Variants in GMDS observed in about 807,000 individuals in gnomAD.
GMDS encodes GDP-mannose 4,6-dehydratase, also known as GDP-mannose 4,6 dehydratase.
In GMDS, 20 loss-of-function variants were observed where a neutral mutation model predicts 49.9. That is an observed-to-expected ratio of 0.40 (90% confidence interval 0.28 to 0.58). The LOEUF is 0.58. Among genes scored for constraint, GMDS ranks in the 20% least tolerant of loss-of-function variants. The pLI, the probability that GMDS is intolerant of heterozygous loss-of-function variation, is 0.42. For synonymous variants in GMDS, 177 were observed against 178.6 expected (o/e 0.99, Z 0.07); for missense variants, 362 against 481.4 (o/e 0.75, Z 2.32).
intron 7 of GMDS, among the ~76,000 whole-genome samples, chr6:1,784,559 C>G (rs17134305): frequency 0.029 from 4,360 of 152,200 alleles, 69 homozygotes; most frequent in Middle Eastern, 0.1. Context: ...GATGTCAGAG[C>G]AAAGTCTGGA....
intron 9 of GMDS, among the ~76,000 whole-genome samples, chr6:1,677,822 G>C (rs926746665): frequency 6.7e-6 from 1 of 149,932 alleles, no homozygotes. Flanking sequence ...GGGAGGGATA[G>C]CATTAGGAGA....
At chr6:2,155,627 A>C (rs1307736779) in intron 1 of GMDS, among the ~76,000 whole-genome samples, 1 of 152,128 alleles carries the variant, frequency 6.6e-6, no homozygotes, top group African/African-American at 2.4e-5. Context: ...AATTGTTTTA[A>C]ATTTTTCAAA....
chr6:2,226,129 G>T (rs1224571846), intron 1 of GMDS, among the ~76,000 whole-genome samples: 2 of 152,198 alleles, frequency 1.3e-5, no homozygotes, highest in African/African-American at 4.8e-5. Context: ...GTTTCTGCTA[G>T]ACCAACACTG....
intron 9 of GMDS, among the ~76,000 whole-genome samples, chr6:1,670,660 C>T (rs574835855): frequency 2.0e-5 from 3 of 152,296 alleles, no homozygotes; most frequent in Non-Finnish European, 4.4e-5. Flanking sequence ...TAATAGACTT[C>T]CATGCTCTAA....
chr6:2,188,655 T>C (rs1778880933), intron 1 of GMDS, among the ~76,000 whole-genome samples: 1 of 152,226 alleles, frequency 6.6e-6, no homozygotes. Context: ...CAAGTCTTGA[T>C]TCTCAAGGAA....
chr6:1,919,954 T>G (rs3800133), intron 7 of GMDS, among the ~76,000 whole-genome samples: 3,922 of 152,220 alleles, frequency 0.026, 161 homozygotes, highest in East Asian at 0.18. Flanking sequence ...GGTAGAAAAC[T>G]GAAATAACAG....
intron 7 of GMDS, among the ~76,000 whole-genome samples, chr6:1,785,908 G>A (rs184831826): frequency 6.6e-6 from 1 of 152,358 alleles, no homozygotes; most frequent in East Asian, 1.9e-4. Flanking sequence ...TGTGAAAAAT[G>A]CTCCTGGAAA....
intron 1 of GMDS, among the ~76,000 whole-genome samples, chr6:2,195,871 C>T (rs1779256057): frequency 6.6e-6 from 1 of 150,842 alleles, no homozygotes; most frequent in Non-Finnish European, 1.5e-5. Context: ...ATAAATCATG[C>T]TGACAGTTTA....
chr6:1,760,154 A>AG (rs1416059791), intron 7 of GMDS, among the ~76,000 whole-genome samples: 3 of 152,200 alleles, frequency 2.0e-5, no homozygotes, highest in Non-Finnish European at 4.4e-5. Flanking sequence ...GTGCAGACAC[A>AG]GAGGAAAGCA....
chr6:2,131,690 A>G (rs1217944200), intron 1 of GMDS, among the ~76,000 whole-genome samples: 1 of 152,240 alleles, frequency 6.6e-6, no homozygotes, highest in Admixed American at 6.5e-5. Flanking sequence ...TTAACAGCCT[A>G]CGTGTGTGCT....
chr6:1,902,273 A>G (rs918552424), intron 7 of GMDS, among the ~76,000 whole-genome samples: 3 of 152,242 alleles, frequency 2.0e-5, no homozygotes, highest in African/African-American at 7.2e-5. Flanking sequence ...ATTAAAACTA[A>G]AATATAGAAT....
chr6:1,680,936 C>A (rs955998706), intron 9 of GMDS, among the ~76,000 whole-genome samples: 2 of 152,190 alleles, frequency 1.3e-5, no homozygotes, highest in African/African-American at 4.8e-5. Context: ...GTGGGTGAGA[C>A]AGAATGTAAC....
rs144476227 is a variant in GMDS, at chr6:2,149,297, G to C, written c.103-24566C>G. Among the ~76,000 whole-genome samples the C allele has an allele frequency of 5.2e-3, 797 of 152,248 alleles. 5 individuals carry two copies. Among genetic ancestry groups the C allele is most frequent in the Middle Eastern group, 0.017 (5 of 294 alleles). ...TCAGTTTTGTTGATTTCATTAAAATGAATGTAAAGAGAACAAGGTGTATTG... is the reference window on the plus strand; with the variant it reads ...TCAGTTTTGTTGATTTCATTAAAATCAATGTAAAGAGAACAAGGTGTATTG... On this transcript the variant is annotated intron_variant, in intron 1 of 10. Coordinates refer to ENST00000380815, the MANE Select transcript of GMDS (RefSeq NM_001500.4).
intron 1 of GMDS, among the ~76,000 whole-genome samples, chr6:2,133,992 C>T (rs1350271585): frequency 1.3e-5 from 2 of 152,162 alleles, no homozygotes; most frequent in Non-Finnish European, 2.9e-5. Flanking sequence ...TTAGGTTGTG[C>T]TATATTGTGT....
At chr6:1,938,412 G>A (rs1246814530) in intron 6 of GMDS, among the ~76,000 whole-genome samples, 2 of 152,262 alleles carry the variant, frequency 1.3e-5, no homozygotes, top group East Asian at 1.9e-4. Flanking sequence ...TAACTAGCTC[G>A]TATTTGAAAG....
intron 8 of GMDS, among the ~76,000 whole-genome samples, chr6:1,727,136 G>A (rs764159989): frequency 9.9e-5 from 15 of 152,042 alleles, no homozygotes; most frequent in Admixed American, 2.6e-4. Context: ...CTGAGTGAGG[G>A]TATATCAATA....
rs535871927 is a variant in GMDS, at chr6:1,648,166, T to G, written c.988-23626A>C. On this transcript the variant is annotated intron_variant, in intron 9 of 10. Coordinates refer to ENST00000380815, the MANE Select transcript of GMDS (RefSeq NM_001500.4). The stretch of plus-strand genomic sequence containing the variant: ...TAGATGGAATAGGCCTGGGGCTCTG[T>G]AATTTGGGCAATGGCTTATCATATC... Among the ~76,000 whole-genome samples, 11 of 152,318 alleles carry G rather than the reference T, an allele frequency of 7.2e-5. No homozygotes were observed. The South Asian group carries it at 2.3e-3, about 32-fold the overall frequency.
In GMDS at chr6:1,628,843, C is replaced by T. The variant is rs114653432; in HGVS notation, c.988-4303G>A. Among the ~76,000 whole-genome samples, 1,222 of 152,244 alleles carry T rather than the reference C, an allele frequency of 8.0e-3. 13 individuals carry two copies. The highest frequency in any genetic ancestry group is 0.028 in the African/African-American group (1,173 of 41,540). On this transcript the variant is annotated intron_variant, in intron 9 of 10. Transcript: ENST00000380815. Reference sequence around the variant, plus strand: ...ATTTAAGATACAGAGCTGTGAGGGGCGCTTAATATTCTTTTTTTCCCTTCT... The same window carrying T: ...ATTTAAGATACAGAGCTGTGAGGGGTGCTTAATATTCTTTTTTTCCCTTCT...
chr6:1,845,339 G>T (rs1011758507), intron 7 of GMDS, among the ~76,000 whole-genome samples: 1 of 152,162 alleles, frequency 6.6e-6, no homozygotes, highest in Non-Finnish European at 1.5e-5. Flanking sequence ...GCTTTTAGAG[G>T]AAGAAAAGGA....
Sources: gnomAD v4.1 joint callset for allele counts (sites outside exome capture counted in the v4.1 genomes callset) on GRCh38, gnomAD v4.1.1 for gene constraint, MANE v1.5 for transcripts, NCBI Gene and HGNC (gene_info 2026-07-23, HGNC 2026-07-21) for gene names.